ZNF444: variants seen among roughly 807,000 people sequenced by gnomAD.
The protein encoded by ZNF444 is endothelial zinc finger protein 2.
In ZNF444, 8 loss-of-function variants were observed where a neutral mutation model predicts 14.4. The ratio of observed to expected loss-of-function variants is 0.56; its 90% CI spans 0.33 to 1.00. ZNF444 has a LOEUF of 1.00. Ranked by LOEUF, ZNF444 falls within the 50% of genes least tolerant of loss-of-function variation. The probability of loss-of-function intolerance (pLI) is 0.03; values close to 1 mark genes in which losing one functional copy is unlikely to be tolerated. For missense variants in ZNF444, 510 were observed against 504.8 expected (o/e 1.01, Z -0.10); for synonymous variants, 258 against 235.9 (o/e 1.09, Z -0.86).
intron 4 of ZNF444, 94 bp from the exon 5 acceptor site, chr19:56,159,530 C>T (rs1459583523): frequency 8.6e-7 from 1 of 1,167,860 alleles, no homozygotes; most frequent in Non-Finnish European, 1.2e-6. Flanking sequence ...TGGTTTCTGC[C>T]TTTAAGCGTT....
intron 1 of ZNF444, among the ~76,000 whole-genome samples, chr19:56,134,148 G>A (rs1037572479): frequency 2.6e-5 from 4 of 151,974 alleles, no homozygotes; most frequent in South Asian, 2.1e-4. Context: ...AACCCAACCC[G>A]AGCCTCCAGA....
At position 56,147,072 on chromosome 19, in the gene ZNF444, A is replaced by G; in HGVS notation, c.161A>G (p.His54Arg). 1.3e-6 allele frequency: 2 copies of G among 1,583,748 alleles called. No homozygotes were observed. Among genetic ancestry groups the G allele is most frequent in the Admixed American group, 1.8e-5 (1 of 56,984 alleles). ...CGGGACTGGCTGCGGCCCGAGGTGC[A>G]CACCAAGGAGCAGATGTTGGAGCTG... ...LCRDWLRPEV[H>R]TKEQMLELLV... The change falls in exon 3 of 5, where the codon CAC becomes CGC. Residue 54 changes from histidine (H) to arginine (R), a missense_variant. By Grantham distance (29) the His-to-Arg change is conservative. Transcript: ENST00000337080. This position sits in a 1 kb window ranked among gnomAD's most constrained non-coding sequence, Gnocchi z 5.9.
chr19:56,144,908 T>C lies in ZNF444; in HGVS notation c.-196-1339T>C, dbSNP rs2031073689. On this transcript the variant is annotated intron_variant, in intron 1 of 4. Transcript: ENST00000337080. This position sits in a 1 kb window ranked among gnomAD's most constrained non-coding sequence, Gnocchi z 4.0. ...ATCAGGGTCCCTTCTGTCTTGATCT[T>C]CCAGTGTCCTTGAGGTCAGGGGCCG... Among the ~76,000 whole-genome samples the C allele has an allele frequency of 6.6e-6, 1 of 152,224 alleles. No individual in the cohort carries two copies. Among genetic ancestry groups the C allele is most frequent in the Non-Finnish European group, 1.5e-5 (1 of 68,044 alleles).
chr19:56,146,833 T>C, intron 2 of ZNF444, 57 bp from the exon 3 acceptor site: 1 of 1,246,196 alleles, frequency 8.0e-7, no homozygotes, highest in Non-Finnish European at 1.0e-6. Context: ...ATTGTGAGTC[T>C]GGGCACCGCG....
chr19:56,150,596 A>G (rs947151400), intron 3 of ZNF444: 3 of 446,318 alleles, frequency 6.7e-6, no homozygotes, highest in African/African-American at 6.0e-5. Flanking sequence ...CTGGCACATG[A>G]TACTGGCTTT....
upstream of ZNF444, among the ~76,000 whole-genome samples, chr19:56,138,817 G>T (rs1372216600): frequency 5.5e-4 from 4 of 7,254 alleles, no homozygotes; most frequent in Non-Finnish European, 1.4e-3. Context: ...TTTTTTTTGA[G>T]ACAGAGTCTG....
chr19:56,150,183 T>G (rs2031488123), intron 3 of ZNF444: 1 of 196,694 alleles, frequency 5.1e-6, no homozygotes, highest in Non-Finnish European at 1.1e-5. Context: ...TCAGCCACTG[T>G]TACCACTCTG....
chr19:56,157,084 A>G (rs1158234616), intron 3 of ZNF444: 1 of 152,310 alleles, frequency 6.6e-6, no homozygotes, highest in Non-Finnish European at 1.5e-5. Flanking sequence ...TGTGGCTGAC[A>G]CCACACAAGG....
rs199638195 is a variant in ZNF444 at position 56,147,005 on chromosome 19, C to T, written c.94C>T (p.Pro32Ser). ...RFRRFHLGDA[P>S]GPREALGLLR... ...CCGCCGCTTCCACCTGGGCGACGCG[C>T]CGGGCCCGCGGGAGGCGCTGGGGCT... The change falls in exon 3 of 5, where the codon CCG (proline) becomes TCG (serine). Residue 32 changes from proline (P) to serine (S), a missense_variant. By Grantham distance (74) the Pro-to-Ser change is moderately conservative (BLOSUM62 -1). Coordinates refer to ENST00000337080, the MANE Select transcript of ZNF444 (RefSeq NM_018337.4). The surrounding 1 kb of genome is among the most constrained non-coding windows in gnomAD (Gnocchi z 5.9). The T allele has an allele frequency of 2.1e-3, 3,105 of 1,453,876 alleles. 15 individuals are homozygous for T. Among genetic ancestry groups the T allele is most frequent in the Non-Finnish European group, 2.5e-3 (2,739 of 1,111,640 alleles). The allele number at this position is 1,453,876 out of a possible 1,614,324, so 90.1% of individuals were successfully genotyped here.
intron 3 of ZNF444, among the ~76,000 whole-genome samples, chr19:56,148,373 A>G (rs274178): frequency 0.28 from 42,583 of 151,882 alleles, 7,400 homozygotes; most frequent in East Asian, 0.61. Context: ...GAGTCAGAGC[A>G]GTCGCGTGTT....
At position 56,147,881 on chromosome 19, in the gene ZNF444, C is replaced by G. The variant is rs763012287; in HGVS notation, c.297+673C>G. Among the ~76,000 whole-genome samples, 1 of 152,128 alleles carries G rather than the reference C, an allele frequency of 6.6e-6. No homozygotes were observed. Among genetic ancestry groups the G allele is most frequent in the Non-Finnish European group, 1.5e-5 (1 of 68,018 alleles). On this transcript the variant is annotated intron_variant, in intron 3 of 4. Coordinates refer to ENST00000337080, the MANE Select transcript of ZNF444 (RefSeq NM_018337.4). The surrounding 1 kb of genome is among the most constrained non-coding windows in gnomAD (Gnocchi z 5.9). ...TCTTGACCACACAGCAGGCAAGGGC[C>G]GACTCACGTTCTGGGTGAAGTCTTG... is the stretch of plus-strand genomic sequence containing the variant.
intron 3 of ZNF444, among the ~76,000 whole-genome samples, chr19:56,152,346 A>T (rs999542136): frequency 6.6e-6 from 1 of 151,950 alleles, no homozygotes; most frequent in African/African-American, 2.4e-5. Flanking sequence ...AAAAAAAAAA[A>T]AAATACCGTT....
chr19:56,134,917 G>A (rs1199243897), intron 1 of ZNF444, among the ~76,000 whole-genome samples: 2 of 151,890 alleles, frequency 1.3e-5, no homozygotes, highest in African/African-American at 2.4e-5. Context: ...AGGAGTTTGT[G>A]AGACCTTATT....
At chr19:56,154,230 C>T (rs531210890) in intron 3 of ZNF444, 44 of 152,270 alleles carry the variant, frequency 2.9e-4, no homozygotes, top group African/African-American at 1.0e-3. Context: ...GAAAGACCTT[C>T]GCGTATAGAA....
In ZNF444 at chr19:56,160,421, CT is replaced by C. The variant is rs1376185028; in HGVS notation, c.*222del. 8.3e-6 allele frequency: 4 copies of C among 482,866 alleles called. No individual in the cohort carries two copies. The highest frequency in any genetic ancestry group is 1.4e-5 in the Non-Finnish European group (4 of 277,190). 29.9% of individuals were successfully genotyped at this position (482,866 alleles called of 1,614,324 possible). ...TCTCAGGTCTCACCTCAGCCCCCCC[CT>C]TCTCCCTGATTTCTCGGCCTCTCTC... On this transcript the variant is annotated 3_prime_UTR_variant, in exon 5 of 5. Transcript: ENST00000337080.
At chr19:56,139,721 A>AAG (rs1372616760), upstream of ZNF444, among the ~76,000 whole-genome samples, 1 of 142,088 alleles carries the variant, frequency 7.0e-6, no homozygotes, top group Non-Finnish European at 1.5e-5. Context: ...AAACCAAAAA[A>AAG]AAAAAAAGAA....
intron 1 of ZNF444, among the ~76,000 whole-genome samples, chr19:56,134,712 GA>G (rs2030571973): frequency 6.6e-6 from 1 of 152,014 alleles, no homozygotes; most frequent in African/African-American, 2.4e-5. Flanking sequence ...CATACATTAG[GA>G]CCTGTCCTAA....
At position 56,159,915 on chromosome 19, in the gene ZNF444, C is replaced by T. The variant is rs2032176643; in HGVS notation, c.698C>T (p.Pro233Leu). The T allele has an allele frequency of 2.0e-6, 3 of 1,503,458 alleles. No homozygotes were observed. The highest frequency in any genetic ancestry group is 2.6e-6 in the Non-Finnish European group (3 of 1,132,264). The allele number at this position is 1,503,458 out of a possible 1,614,324, so 93.1% of individuals were successfully genotyped here. A position where few individuals can be genotyped will look rare whatever the true frequency, so the allele number is the denominator to read the frequency against. ...CACCGCGACACGCACCCCGGCAGCCCCGGCAGCCCCGGGCCCGCGCTGCGC... is the reference window on the plus strand; with the variant it reads ...CACCGCGACACGCACCCCGGCAGCCTCGGCAGCCCCGGGCCCGCGCTGCGC... The part of the protein sequence containing the change: ...RRHRDTHPGS[P>L]GSPGPALRPL... The change falls in exon 5 of 5, where the codon CCC becomes CTC. Residue 233 changes from proline (P) to leucine (L), a missense_variant. By Grantham distance (98) the Pro-to-Leu change is moderately conservative (BLOSUM62 -3). Coordinates refer to ENST00000337080, the MANE Select transcript of ZNF444 (RefSeq NM_018337.4).
In ZNF444 at chr19:56,150,015, G is replaced by T. The variant is rs538877232; in HGVS notation, c.297+2807G>T. On this transcript the variant is annotated intron_variant, in intron 3 of 4. Coordinates refer to ENST00000337080, the MANE Select transcript of ZNF444 (RefSeq NM_018337.4). Reference sequence around the variant, plus strand: ...GGATCAGACCGTGTACATCTTTGGGGCCATTATTCTGTCTGCCACAGAGGC... The same window carrying T: ...GGATCAGACCGTGTACATCTTTGGGTCCATTATTCTGTCTGCCACAGAGGC... 19 of 160,694 alleles carry T rather than the reference G, an allele frequency of 1.2e-4. No individual in the cohort carries two copies. In the East Asian group the frequency reaches 3.4e-3, roughly 29 times the overall value. The allele number at this position is 160,694 out of a possible 1,614,324, so 10.0% of individuals were successfully genotyped here.
Sources: allele counts gnomAD v4.1 joint callset (sites outside exome capture counted in the v4.1 genomes callset), GRCh38; gene constraint gnomAD v4.1.1; non-coding constraint Gnocchi (gnomAD v3.1); transcripts MANE v1.5; gene names NCBI Gene and HGNC (gene_info 2026-07-23, HGNC 2026-07-21).